The following RABGAP1L variants were observed in gnomAD, a reference collection of about 807,000 sequenced individuals.
The protein encoded by RABGAP1L is RAB GTPase activating protein 1 like.
Under a neutral mutation model 137.7 loss-of-function variants are expected in RABGAP1L, and 63 were observed. That is an observed-to-expected ratio of 0.46 (90% CI 0.37 to 0.56). The LOEUF is 0.56. Ranked by LOEUF, RABGAP1L falls within the 20% of genes least tolerant of loss-of-function variation. RABGAP1L has a pLI of 0.00. For missense variants in RABGAP1L, 1,095 were observed against 1,244.0 expected (o/e 0.88, Z 1.80); for synonymous variants, 431 against 433.7 (o/e 0.99, Z 0.08).
chr1:174,908,578 T>C (rs1164787155), intron 19 of RABGAP1L, among the ~76,000 whole-genome samples: 1 of 147,530 alleles, frequency 6.8e-6, no homozygotes, highest in Admixed American at 6.8e-5. Context: ...AGTCTCACTT[T>C]GTTGCCCAGG....
chr1:174,731,844 T>C (rs940958353), intron 17 of RABGAP1L, among the ~76,000 whole-genome samples: 1 of 152,224 alleles, frequency 6.6e-6, no homozygotes. Flanking sequence ...TGTACACTTA[T>C]TCAATCTGTT....
intron 19 of RABGAP1L, among the ~76,000 whole-genome samples, chr1:174,889,323 C>A (rs1655719897): frequency 1.3e-5 from 2 of 151,972 alleles, no homozygotes. Flanking sequence ...AGGGTTTCAC[C>A]ATATTGGGCA....
intron 17 of RABGAP1L, among the ~76,000 whole-genome samples, chr1:174,714,817 T>C (rs1350863884): frequency 6.6e-6 from 1 of 151,830 alleles, no homozygotes; most frequent in Non-Finnish European, 1.5e-5. Flanking sequence ...TGTAGCTTTG[T>C]TTTTTTTACA....
At chr1:174,848,494 G>T (rs1339777702) in intron 19 of RABGAP1L, among the ~76,000 whole-genome samples, 5 of 149,396 alleles carry the variant, frequency 3.3e-5, no homozygotes, top group African/African-American at 1.0e-4. Flanking sequence ...GCAGTGTGAG[G>T]TGTCAGTTTG....
chr1:174,321,489 C>A (rs1478154440), intron 11 of RABGAP1L, among the ~76,000 whole-genome samples: 1 of 152,148 alleles, frequency 6.6e-6, no homozygotes, highest in Non-Finnish European at 1.5e-5. Flanking sequence ...GGACTCCCAG[C>A]TTTTAAATAT....
chr1:174,525,372 G>A (rs1294717785), intron 13 of RABGAP1L, among the ~76,000 whole-genome samples: 1 of 151,966 alleles, frequency 6.6e-6, no homozygotes, highest in African/African-American at 2.4e-5. Context: ...TTGGTCAAAT[G>A]TATTCCTAAG....
chr1:174,807,798 A>G (rs957923602), intron 18 of RABGAP1L, among the ~76,000 whole-genome samples: 5 of 152,088 alleles, frequency 3.3e-5, no homozygotes, highest in Non-Finnish European at 5.9e-5. Flanking sequence ...ACTTTATGGA[A>G]TTAAAAATAT....
intron 19 of RABGAP1L, among the ~76,000 whole-genome samples, chr1:174,852,737 A>G (rs572840571): frequency 1.3e-5 from 2 of 151,952 alleles, no homozygotes; most frequent in South Asian, 4.2e-4. Flanking sequence ...AATCACTTGA[A>G]CCCAGGAGAC....
At position 174,873,929 on chromosome 1, in the gene RABGAP1L, A is replaced by C. The variant is rs545806337; in HGVS notation, c.2340+61969A>C. 3.3e-5 allele frequency among the ~76,000 whole-genome samples: 5 copies of C among 152,320 alleles called. No homozygotes were observed. The East Asian group carries it at 5.8e-4, about 18-fold the overall frequency. On this transcript the variant is annotated intron_variant, in intron 19 of 25. Coordinates refer to ENST00000681986, the MANE Select transcript of RABGAP1L (RefSeq NM_001366446.1). Reference sequence around the variant, plus strand: ...TAGAAAAATAGCCACTTCTTATTCAAGCTTTTCTTGATTTTTGTTTCGGCT... The same window carrying C: ...TAGAAAAATAGCCACTTCTTATTCACGCTTTTCTTGATTTTTGTTTCGGCT...
At chr1:174,359,234 C>G (rs972347863) in intron 11 of RABGAP1L, among the ~76,000 whole-genome samples, 3 of 151,962 alleles carry the variant, frequency 2.0e-5, no homozygotes, top group African/African-American at 7.2e-5. Flanking sequence ...GTACTTTGGT[C>G]TCCAGTGTCT....
chr1:174,627,780 T>C (rs1455188468), intron 13 of RABGAP1L, among the ~76,000 whole-genome samples: 1 of 152,150 alleles, frequency 6.6e-6, no homozygotes, highest in Non-Finnish European at 1.5e-5. Flanking sequence ...TTTTTCAGAC[T>C]TTATGACAAA....
At chr1:174,628,880 A>T (rs1437905562) in intron 13 of RABGAP1L, among the ~76,000 whole-genome samples, 6 of 152,178 alleles carry the variant, frequency 3.9e-5, no homozygotes, top group African/African-American at 1.4e-4. Flanking sequence ...TCAGAAAATG[A>T]ATTCATATCA....
intron 12 of RABGAP1L, among the ~76,000 whole-genome samples, chr1:174,376,100 G>A (rs72713553): frequency 0.21 from 31,476 of 150,686 alleles, 3,615 homozygotes; most frequent in Admixed American, 0.25. Flanking sequence ...TAAAGAAAAG[G>A]AAAGAAGGAA....
intron 1 of RABGAP1L, among the ~76,000 whole-genome samples, chr1:174,197,731 C>T (rs189532808): frequency 2.1e-4 from 32 of 151,798 alleles, no homozygotes; most frequent in Non-Finnish European, 4.4e-4. Context: ...ACTCAAGAGG[C>T]GGAGGTTGCA....
At chr1:174,954,607 G>A (rs151253339) in intron 19 of RABGAP1L, among the ~76,000 whole-genome samples, 10 of 152,296 alleles carry the variant, frequency 6.6e-5, no homozygotes, top group African/African-American at 2.4e-4. Context: ...ATGTAATTCA[G>A]TCACTGGTGA....
intron 13 of RABGAP1L, among the ~76,000 whole-genome samples, chr1:174,469,967 A>G (rs966185804): frequency 2.0e-5 from 3 of 151,958 alleles, no homozygotes; most frequent in Non-Finnish European, 4.4e-5. Context: ...AAAAAGTTCT[A>G]CTTTTTTCAG....
intron 13 of RABGAP1L, among the ~76,000 whole-genome samples, chr1:174,541,095 T>A (rs1665375613): frequency 4.6e-5 from 7 of 152,228 alleles, no homozygotes; most frequent in Admixed American, 4.6e-4. Flanking sequence ...GCTGTTTGTC[T>A]GTTATTGATG....
chr1:174,586,918 C>A (rs1212085764), intron 13 of RABGAP1L, among the ~76,000 whole-genome samples: 3 of 152,016 alleles, frequency 2.0e-5, no homozygotes, highest in African/African-American at 4.8e-5. Flanking sequence ...TTAAAAAGTA[C>A]AATATGAGTG....
chr1:174,436,617 C>T (rs1653349418), intron 13 of RABGAP1L, among the ~76,000 whole-genome samples: 1 of 152,168 alleles, frequency 6.6e-6, no homozygotes, highest in East Asian at 1.9e-4. Context: ...CCTGTTCACT[C>T]TGATGGTAGT....
Sources: allele counts gnomAD v4.1 joint callset (sites outside exome capture counted in the v4.1 genomes callset), GRCh38; gene constraint gnomAD v4.1.1; transcripts MANE v1.5; gene names NCBI Gene and HGNC (gene_info 2026-07-23, HGNC 2026-07-21).